The following FERMT2 variants were observed in gnomAD, a reference collection of about 807,000 sequenced individuals.
The protein encoded by FERMT2 is FERM domain containing kindlin 2, also known as fermitin family homolog 2.
In FERMT2, 15 loss-of-function variants were observed where a neutral mutation model predicts 82.7. The observed-to-expected ratio is 0.18, with a 90% CI of 0.12 to 0.28. The LOEUF (loss-of-function observed/expected upper bound fraction) is 0.28. Ranked by LOEUF, FERMT2 falls within the 10% of genes least tolerant of loss-of-function variation. The probability of loss-of-function intolerance (pLI) is 1.00; values close to 1 mark genes in which losing one functional copy is unlikely to be tolerated. For synonymous variants in FERMT2, 274 were observed against 271.5 expected, an observed-to-expected ratio of 1.01 and a Z score of -0.09; for missense variants, 645 against 809.4, an observed-to-expected ratio of 0.80 and a Z score of 2.46.
At chr14:52,870,432 A>G (rs1308579381) in intron 10 of FERMT2, among the ~76,000 whole-genome samples, 3 of 152,070 alleles carry the variant, frequency 2.0e-5, no homozygotes, top group Non-Finnish European at 4.4e-5. Flanking sequence ...TATTTTTAGT[A>G]GAGACGGGGT....
chr14:52,918,769 C>A (rs1265697105), intron 3 of FERMT2, among the ~76,000 whole-genome samples: 2 of 152,180 alleles, frequency 1.3e-5, no homozygotes, highest in Non-Finnish European at 2.9e-5. Flanking sequence ...GAGGAAGTGA[C>A]ACAATCTGCC....
At chr14:52,925,558 CA>C (rs761894753) in intron 2 of FERMT2, among the ~76,000 whole-genome samples, 871 of 55,694 alleles carry the variant, frequency 0.016, 3 homozygotes, top group East Asian at 0.046. Flanking sequence ...GACTCTGTCT[CA>C]AAAAAAAAAA....
intron 10 of FERMT2, among the ~76,000 whole-genome samples, chr14:52,865,509 G>C (rs904995963): frequency 2.0e-5 from 3 of 152,066 alleles, no homozygotes; most frequent in Non-Finnish European, 4.4e-5. Context: ...AATAATTATG[G>C]GCCATTTAAC....
chr14:52,903,010 CAGAGAAAACAAAGAGG>C (rs1887770991), intron 3 of FERMT2, among the ~76,000 whole-genome samples: 1 of 139,190 alleles, frequency 7.2e-6, no homozygotes, highest in Non-Finnish European at 1.5e-5. Context: ...ACAGCGAGAA[CAGAGAAAACAAAGAGG>C]AGGAAATTAC....
intron 3 of FERMT2, among the ~76,000 whole-genome samples, chr14:52,903,006 A>C (rs950526033): frequency 2.6e-5 from 4 of 151,300 alleles, no homozygotes; most frequent in African/African-American, 9.7e-5. Context: ...AGTAACAGCG[A>C]GAACAGAGAA....
chr14:52,868,028 T>C (rs1253154343), intron 10 of FERMT2, among the ~76,000 whole-genome samples: 2 of 152,210 alleles, frequency 1.3e-5, no homozygotes, highest in African/African-American at 4.8e-5. Flanking sequence ...TGTGTTAATG[T>C]TCTTTCAGTG....
Position 52,896,790 on chromosome 14 carries a change from G to T in FERMT2, c.392-3363C>A, listed in dbSNP as rs1887279262. On this transcript the variant is annotated intron_variant, in intron 3 of 14. Coordinates refer to ENST00000341590, the MANE Select transcript of FERMT2 (RefSeq NM_006832.3). ...GAACTGCTTGAGCTCAGGAGTTCAA[G>T]ACCAGCCTGGGCAACCTAGGAAGAC... Among the ~76,000 whole-genome samples the T allele has an allele frequency of 2.6e-5, 4 of 152,004 alleles. No homozygotes were observed. In the South Asian group the frequency reaches 8.3e-4, roughly 32 times the overall value.
intron 8 of FERMT2, 56 bp downstream of exon 8, chr14:52,875,167 A>G: frequency 6.7e-7 from 1 of 1,483,512 alleles, no homozygotes; most frequent in Non-Finnish European, 9.2e-7. Flanking sequence ...AAATCCACAA[A>G]ATGGAATGCA....
intron 10 of FERMT2, 30 bp from the exon 11 acceptor site, chr14:52,864,883 T>C (rs753073249): frequency 8.0e-7 from 1 of 1,242,388 alleles, no homozygotes; most frequent in South Asian, 1.2e-5. Context: ...TTAAAATGGC[T>C]AAATTTACTT....
chr14:52,938,096 A>C (rs1305797520), intron 2 of FERMT2, among the ~76,000 whole-genome samples: 1 of 152,236 alleles, frequency 6.6e-6, no homozygotes, highest in Non-Finnish European at 1.5e-5. Context: ...AGGGTCACAA[A>C]GCTTGTAAGT....
intron 10 of FERMT2, among the ~76,000 whole-genome samples, chr14:52,866,344 T>C (rs1885278398): frequency 6.6e-6 from 1 of 152,142 alleles, no homozygotes; most frequent in East Asian, 1.9e-4. Flanking sequence ...TCTCTAATCC[T>C]AACTCTTTGA....
At chr14:52,906,531 T>A (rs1425418854) in intron 3 of FERMT2, among the ~76,000 whole-genome samples, 1 of 127,704 alleles carries the variant, frequency 7.8e-6, no homozygotes, top group African/African-American at 3.1e-5. Context: ...TGACACATAG[T>A]CAGGAGTAAA....
chr14:52,858,689 A>T, intron 14 of FERMT2, 139 bp from the exon 15 acceptor site: 1 of 685,522 alleles, frequency 1.5e-6, no homozygotes, highest in Non-Finnish European at 2.4e-6. Flanking sequence ...CTAAAACCTA[A>T]ACGAATAATG....
intron 2 of FERMT2, among the ~76,000 whole-genome samples, chr14:52,928,774 ACT>A (rs1419621457): frequency 6.6e-6 from 1 of 152,040 alleles, no homozygotes; most frequent in Non-Finnish European, 1.5e-5. Flanking sequence ...TCAGATTCAA[ACT>A]CTTTCACCTT....
intron 8 of FERMT2, 104 bp downstream of exon 8, chr14:52,875,119 A>T: frequency 1.0e-6 from 1 of 984,058 alleles, no homozygotes; most frequent in South Asian, 1.6e-5. Flanking sequence ...CTAAAGCATT[A>T]AATATTTCTC....
At chr14:52,934,804 T>C (rs1372892208) in intron 2 of FERMT2, among the ~76,000 whole-genome samples, 5 of 152,248 alleles carry the variant, frequency 3.3e-5, no homozygotes, top group Non-Finnish European at 7.3e-5. Flanking sequence ...TGCAGTTTTA[T>C]CTCTGTTGGT....
chr14:52,933,710 C>CAAA (rs1337838375), intron 2 of FERMT2, among the ~76,000 whole-genome samples: 3 of 8,444 alleles, frequency 3.6e-4, no homozygotes, highest in African/African-American at 8.1e-4. Flanking sequence ...AACTCCGTCT[C>CAAA]AAAAAAAAAA....
intron 10 of FERMT2, among the ~76,000 whole-genome samples, chr14:52,869,695 C>T (rs1037325949): frequency 2.0e-5 from 3 of 152,152 alleles, no homozygotes; most frequent in Admixed American, 6.5e-5. Context: ...CTATACTATT[C>T]TTTTCATCAT....
In FERMT2 at chr14:52,950,902, C is replaced by T; in HGVS notation, c.-10+19G>A. On this transcript the variant is annotated intron_variant, in intron 1 of 14. Coordinates refer to ENST00000341590, the MANE Select transcript of FERMT2 (RefSeq NM_006832.3). Reference sequence around the variant, plus strand: ...CCCGCCGCGCCCCCTCGGGTCCCGGCGGGGTCCCGCTCCCTCACCGCGCGC... The same window carrying T: ...CCCGCCGCGCCCCCTCGGGTCCCGGTGGGGTCCCGCTCCCTCACCGCGCGC... 1 of 187,428 alleles carries T rather than the reference C, an allele frequency of 5.3e-6. No individual in the cohort carries two copies. The highest frequency in any genetic ancestry group is 1.1e-5 in the Non-Finnish European group (1 of 91,856). The allele number at this position is 187,428 out of a possible 1,614,324, so 11.6% of individuals were successfully genotyped here. A position where few individuals can be genotyped will look rare whatever the true frequency, so the allele number is the denominator to read the frequency against.
Sources: gnomAD v4.1 joint callset for allele counts (sites outside exome capture counted in the v4.1 genomes callset) on GRCh38, gnomAD v4.1.1 for gene constraint, MANE v1.5 for transcripts, NCBI Gene and HGNC (gene_info 2026-07-23, HGNC 2026-07-21) for gene names.